The following PATJ variants were observed in gnomAD, a reference collection of about 807,000 sequenced individuals.
PATJ encodes the protein PATJ crumbs cell polarity complex component.
In PATJ, 190 loss-of-function variants were observed where a neutral mutation model predicts 224.9. That is an observed-to-expected ratio of 0.84 (90% CI 0.75 to 0.95). The LOEUF is 0.95. PATJ is among the 40% of genes least tolerant of loss of function. PATJ has a pLI of 0.00. For missense variants in PATJ, 2,121 were observed against 2,270.3 expected, an observed-to-expected ratio of 0.93 and a Z score of 1.34; for synonymous variants, 769 against 820.3, an observed-to-expected ratio of 0.94 and a Z score of 1.07.
intron 27 of PATJ, among the ~76,000 whole-genome samples, chr1:61,949,083 G>A (rs1679218243): frequency 7.4e-6 from 1 of 134,836 alleles, no homozygotes; most frequent in South Asian, 2.8e-4. Flanking sequence ...CGGGGAGCGG[G>A]GAGGGATTGC....
At chr1:61,807,157 A>G (rs1032793885) in intron 13 of PATJ, among the ~76,000 whole-genome samples, 3 of 152,144 alleles carry the variant, frequency 2.0e-5, no homozygotes, top group Admixed American at 2.0e-4. Flanking sequence ...CTCAAAAACA[A>G]AACAAAACAA....
chr1:61,957,398 A>G lies in PATJ; in HGVS notation c.3670+29569A>G, dbSNP rs538194524. On this transcript the variant is annotated intron_variant, in intron 27 of 43. Coordinates refer to ENST00000642238, the MANE Select transcript of PATJ (RefSeq NM_001350145.3). The stretch of plus-strand genomic sequence containing the variant: ...ACAAATAATTTTTCTATAATCATAA[A>G]GGAATTATATATTTGGGAATGATGA... Among the ~76,000 whole-genome samples the G allele has an allele frequency of 3.2e-4, 49 of 152,328 alleles. 1 individual carries two copies. The highest frequency in any genetic ancestry group is 1.1e-3 in the African/African-American group (47 of 41,590).
intron 11 of PATJ, among the ~76,000 whole-genome samples, chr1:61,798,106 A>G (rs1193180406): frequency 6.6e-6 from 1 of 152,170 alleles, no homozygotes; most frequent in Non-Finnish European, 1.5e-5. Flanking sequence ...GCGCCCAGCC[A>G]GGTTTCCTAT....
rs1169127434 is a variant in PATJ at position 62,086,324 on chromosome 1, A to G, written c.4377+1676A>G. ...AGGAAAATTGTGTGTGTGTGTATGT[A>G]ATACCTGCATCTTATACAAAGTTAA... On this transcript the variant is annotated intron_variant, in intron 33 of 43. Transcript: ENST00000642238. The surrounding 1 kb of genome is among the most constrained non-coding windows in gnomAD (Gnocchi z 4.0). 6.6e-6 allele frequency among the ~76,000 whole-genome samples: 1 copy of G among 152,132 alleles called. No individual in the cohort carries two copies. The highest frequency in any genetic ancestry group is 2.1e-4 in the South Asian group (1 of 4,830).
At chr1:61,918,359 G>A (rs1673766510) in intron 26 of PATJ, among the ~76,000 whole-genome samples, 1 of 146,998 alleles carries the variant, frequency 6.8e-6, no homozygotes, top group Admixed American at 6.9e-5. Context: ...CCAGGCTGGA[G>A]TGAAGTGGCA....
At chr1:62,078,357 A>G (rs768183748) in intron 31 of PATJ, among the ~76,000 whole-genome samples, 12 of 152,204 alleles carry the variant, frequency 7.9e-5, no homozygotes, top group Non-Finnish European at 1.3e-4. Context: ...GTCTCAGCTC[A>G]CTGCAACCTC....
At chr1:62,090,787 C>T (rs979859839) in intron 33 of PATJ, among the ~76,000 whole-genome samples, 1 of 152,172 alleles carries the variant, frequency 6.6e-6, no homozygotes, top group Non-Finnish European at 1.5e-5. Flanking sequence ...AGGCCTCTTA[C>T]CTTTTCTGAT....
Position 62,163,351 on chromosome 1 carries a change from G to A in PATJ, c.*2297G>A, listed in dbSNP as rs1456597789. On this transcript the variant is annotated 3_prime_UTR_variant, in exon 44 of 44. Coordinates refer to ENST00000642238, the MANE Select transcript of PATJ (RefSeq NM_001350145.3). ...ACCCTCAGAACATTTTGTGTTAATT[G>A]TACCTGCAAGAACACCTCAGGCAAG... The A allele has an allele frequency of 6.6e-6, 1 of 152,542 alleles. No homozygotes were observed. Among genetic ancestry groups the A allele is most frequent in the African/African-American group, 2.4e-5 (1 of 41,402 alleles). 9.4% of individuals were successfully genotyped at this position (152,542 alleles called of 1,614,324 possible). A position where few individuals can be genotyped will look rare whatever the true frequency, so the allele number is the denominator to read the frequency against.
intron 27 of PATJ, among the ~76,000 whole-genome samples, chr1:61,985,419 C>G (rs941552737): frequency 6.6e-6 from 1 of 152,064 alleles, no homozygotes; most frequent in African/African-American, 2.4e-5. Flanking sequence ...TTTTAAGCCA[C>G]TGATAGGGGT....
chr1:61,901,552 G>A, intron 24 of PATJ, 93 bp downstream of exon 24: 5 of 852,598 alleles, frequency 5.9e-6, no homozygotes, highest in Non-Finnish European at 9.1e-6. Flanking sequence ...ATGTGTTGGG[G>A]ACCGTGTGTG....
intron 27 of PATJ, among the ~76,000 whole-genome samples, chr1:61,970,846 T>C (rs1188928094): frequency 6.6e-6 from 1 of 151,798 alleles, no homozygotes; most frequent in Non-Finnish European, 1.5e-5. Context: ...GAAGATACTA[T>C]CATCAAAGTA....
chr1:62,108,723 G>C (rs549130554), intron 34 of PATJ, among the ~76,000 whole-genome samples: 4 of 152,022 alleles, frequency 2.6e-5, no homozygotes, highest in Non-Finnish European at 5.9e-5. Flanking sequence ...ATTTGTCTAT[G>C]AAAACTTTTT....
intron 28 of PATJ, among the ~76,000 whole-genome samples, chr1:62,012,923 C>T (rs908329441): frequency 2.0e-5 from 3 of 152,316 alleles, no homozygotes; most frequent in African/African-American, 7.2e-5. Context: ...AAGGTTCACT[C>T]TTTCTTGGGT....
At chr1:62,026,474 GTGTGTGTGTGTGTC>G (rs138154266) in intron 29 of PATJ, among the ~76,000 whole-genome samples, 10,038 of 117,706 alleles carry the variant, frequency 0.085, 1,110 homozygotes, top group African/African-American at 0.29. Context: ...GTGTGTGTGT[GTGTGTGTGTGTGTC>G]TGTGTGTGTG....
chr1:62,043,017 T>C (rs17122997), intron 30 of PATJ, among the ~76,000 whole-genome samples: 67,219 of 152,014 alleles, frequency 0.44, 15,019 homozygotes, highest in Middle Eastern at 0.54. Flanking sequence ...TTGTTTCATG[T>C]AGTTCTGTGC....
At chr1:61,861,284 C>CTTTTTTTTTTT in intron 18 of PATJ, among the ~76,000 whole-genome samples, 1,670 of 48,484 alleles carry the variant, frequency 0.034, 129 homozygotes, top group East Asian at 0.14. Context: ...TTCTTTCTTT[C>CTTTTTTTTTTT]TTTTTTTTTT....
intron 28 of PATJ, among the ~76,000 whole-genome samples, chr1:62,002,910 G>A (rs1645875132): frequency 6.6e-6 from 1 of 152,160 alleles, no homozygotes. Flanking sequence ...TAGATCAGCT[G>A]TTTTTATGAA....
intron 25 of PATJ, among the ~76,000 whole-genome samples, chr1:61,909,961 T>G (rs1312209364): frequency 6.6e-6 from 1 of 152,226 alleles, no homozygotes; most frequent in Non-Finnish European, 1.5e-5. Context: ...AGCACTATGT[T>G]TACATCATCA....
At chr1:61,950,268 TGGCG>T (rs1679448912) in intron 27 of PATJ, among the ~76,000 whole-genome samples, 2 of 152,182 alleles carry the variant, frequency 1.3e-5, no homozygotes, top group African/African-American at 4.8e-5. Context: ...TTGACAGTGA[TGGCG>T]TTTGAGAACC....
Sources: gnomAD v4.1 joint callset for allele counts (sites outside exome capture counted in the v4.1 genomes callset) on GRCh38, gnomAD v4.1.1 for gene constraint, Gnocchi (gnomAD v3.1) non-coding constraint, MANE v1.5 for transcripts, NCBI Gene and HGNC (gene_info 2026-07-23, HGNC 2026-07-21) for gene names.